The following FSTL4 variants were observed in gnomAD, a reference collection of about 807,000 sequenced individuals.
FSTL4 encodes the protein follistatin like 4.
A neutral mutation model predicts 78.2 loss-of-function variants in FSTL4; 28 were observed. The observed-to-expected ratio is 0.36, with a 90% CI of 0.27 to 0.49. The LOEUF (loss-of-function observed/expected upper bound fraction) is 0.49, where lower values mean the gene tolerates loss of function less well. FSTL4 is among the 20% of genes least tolerant of loss of function. FSTL4 has a pLI of 0.98. For missense variants in FSTL4, 922 were observed against 1,084.9 expected (o/e 0.85, Z 2.11); for synonymous variants, 422 against 440.5 (o/e 0.96, Z 0.53).
chr5:133,360,843 C>G (rs1755053140), intron 4 of FSTL4, among the ~76,000 whole-genome samples: 1 of 152,182 alleles, frequency 6.6e-6, no homozygotes, highest in Non-Finnish European at 1.5e-5. Context: ...GCGTCCCATT[C>G]TCTGTCATGT....
chr5:133,219,489 C>T (rs944382990), intron 12 of FSTL4, among the ~76,000 whole-genome samples: 2 of 152,226 alleles, frequency 1.3e-5, no homozygotes, highest in Admixed American at 1.3e-4. Context: ...TCTGTGACAT[C>T]ACGCTGCCTC....
At chr5:133,619,276 A>T in the FSTL4 span, among the ~76,000 whole-genome samples, 1 of 152,132 alleles carries the variant, frequency 6.6e-6, no homozygotes, top group Admixed American at 6.5e-5. Context: ...CTCATGGAGG[A>T]TGGTGGAACA....
chr5:133,648,869 T>C, the FSTL4 span, among the ~76,000 whole-genome samples: 1 of 152,138 alleles, frequency 6.6e-6, no homozygotes, highest in Non-Finnish European at 1.5e-5. Context: ...CATTGACTCA[T>C]CCTCATGTAT....
chr5:133,831,989 G>A, the FSTL4 span, among the ~76,000 whole-genome samples: 2 of 152,226 alleles, frequency 1.3e-5, no homozygotes, highest in Admixed American at 1.3e-4. Flanking sequence ...AGCTGAGCAA[G>A]TGTCCTCATC....
intron 3 of FSTL4, among the ~76,000 whole-genome samples, chr5:133,491,011 T>C (rs1437934136): frequency 6.6e-6 from 1 of 152,172 alleles, no homozygotes; most frequent in African/African-American, 2.4e-5. Flanking sequence ...TACTATGCTG[T>C]TTACCTGGGT....
chr5:133,518,716 G>A (rs964817426), intron 3 of FSTL4, among the ~76,000 whole-genome samples: 2 of 152,140 alleles, frequency 1.3e-5, no homozygotes, highest in Admixed American at 6.5e-5. Context: ...TTCTTAACCC[G>A]TGCATAGGAA....
chr5:133,680,905 C>T, the FSTL4 span, among the ~76,000 whole-genome samples: 1 of 143,772 alleles, frequency 7.0e-6, no homozygotes, highest in Non-Finnish European at 1.5e-5. Context: ...ATGCCTTGCT[C>T]TAGGTGATGC....
At chr5:133,596,590 C>A (rs1760741080) in intron 2 of FSTL4, among the ~76,000 whole-genome samples, 2 of 152,152 alleles carry the variant, frequency 1.3e-5, no homozygotes, top group African/African-American at 2.4e-5. Context: ...CACCCAAGGC[C>A]CTCTTGGAAC....
At chr5:133,305,213 C>T (rs1329429495) in intron 6 of FSTL4, among the ~76,000 whole-genome samples, 1 of 152,214 alleles carries the variant, frequency 6.6e-6, no homozygotes, top group South Asian at 2.1e-4. Flanking sequence ...GGCTTGCAGG[C>T]TGGCATACCT....
intron 6 of FSTL4, among the ~76,000 whole-genome samples, chr5:133,275,568 C>G (rs4958113): frequency 8.6e-6 from 1 of 116,352 alleles, no homozygotes; most frequent in South Asian, 2.8e-4. Context: ...CTTAAAAAAA[C>G]AAAAAAAAAA....
chr5:133,712,481 T>C, the FSTL4 span, among the ~76,000 whole-genome samples: 51 of 152,340 alleles, frequency 3.3e-4, no homozygotes, highest in African/African-American at 1.2e-3. Flanking sequence ...GTCCCAGCTC[T>C]TTCCAGCCAC....
At chr5:133,716,903 C>T in the FSTL4 span, among the ~76,000 whole-genome samples, 1 of 152,194 alleles carries the variant, frequency 6.6e-6, no homozygotes, top group African/African-American at 2.4e-5. Context: ...GAATAATAGC[C>T]TCCAACCCAG....
chr5:133,292,604 C>G (rs1483016635), intron 6 of FSTL4, among the ~76,000 whole-genome samples: 1 of 151,926 alleles, frequency 6.6e-6, no homozygotes, highest in African/African-American at 2.4e-5. Flanking sequence ...ATTTGAGACT[C>G]TCATGCTTCC....
the FSTL4 span, among the ~76,000 whole-genome samples, chr5:133,634,785 A>T: frequency 6.6e-6 from 1 of 152,168 alleles, no homozygotes; most frequent in South Asian, 2.1e-4. Flanking sequence ...TAACTACATG[A>T]TAAGGTTCTC....
At position 133,199,641 on chromosome 5, in the gene FSTL4, T is replaced by C. The variant is rs775440704; in HGVS notation, c.1983A>G (p.Arg661=). The change falls in exon 16 of 16, where the codon CGA becomes CGG. Residue 661 remains arginine (R), a synonymous_variant. Coordinates refer to ENST00000265342, the MANE Select transcript of FSTL4 (RefSeq NM_015082.2). The surrounding 1 kb of genome is among the most constrained non-coding windows in gnomAD (Gnocchi z 4.4). ...GGGCAGCAGAGGCGGGGCTGTCCTGTCGGCACTGGATGAAGAAGTAGCCGC... is the reference window on the plus strand; with the variant it reads ...GGGCAGCAGAGGCGGGGCTGTCCTGCCGGCACTGGATGAAGAAGTAGCCGC... ...HLGGYFFIQC[R]QDSPASAARQ... The C allele has an allele frequency of 1.2e-6, 2 of 1,614,132 alleles. No homozygotes were observed.
At chr5:133,743,544 T>C in the FSTL4 span, among the ~76,000 whole-genome samples, 3 of 152,162 alleles carry the variant, frequency 2.0e-5, no homozygotes, top group East Asian at 5.8e-4. Flanking sequence ...TGATGGAAGA[T>C]AACAATTTCA....
At chr5:133,387,951 C>G (rs1755745573) in intron 4 of FSTL4, 1 of 152,258 alleles carries the variant, frequency 6.6e-6, no homozygotes, top group African/African-American at 2.4e-5. Context: ...GCCATGGACA[C>G]TTGTCTGGGG....
intron 6 of FSTL4, among the ~76,000 whole-genome samples, chr5:133,281,716 A>G (rs1561655538): frequency 2.0e-5 from 3 of 152,148 alleles, no homozygotes; most frequent in African/African-American, 4.8e-5. Context: ...TGCACTGGCA[A>G]GGCCCCCTGT....
rs138517121 is a variant in FSTL4, at chr5:133,220,749, T to C, written c.1457A>G (p.Tyr486Cys). 2.0e-6 allele frequency: 3 copies of C among 1,517,058 alleles called. No homozygotes were observed. Among genetic ancestry groups the C allele is most frequent in the East Asian group, 2.3e-5 (1 of 44,436 alleles). 94.0% of individuals were successfully genotyped at this position (1,517,058 alleles called of 1,614,324 possible). The change falls in exon 12 of 16, where the codon TAT becomes TGT. Residue 486 changes from tyrosine (Y) to cysteine (C), a missense_variant and splice_region_variant. Tyr to Cys is a radical substitution (Grantham distance 194). Transcript: ENST00000265342. ...GCTGCCCCAGGCACAGTTACTTACA[T>C]AGCTCATGAAAATCTTTTCCGTGGG... ...LKPTEKIFMSYEEICPQREKN... is the reference protein window; with the variant it reads ...LKPTEKIFMSCEEICPQREKN...
Sources: gnomAD v4.1 joint callset for allele counts (sites outside exome capture counted in the v4.1 genomes callset) on GRCh38, gnomAD v4.1.1 for gene constraint, Gnocchi (gnomAD v3.1) non-coding constraint, MANE v1.5 for transcripts, NCBI Gene and HGNC (gene_info 2026-07-23, HGNC 2026-07-21) for gene names.